Variants in MAST4 observed in about 807,000 individuals in gnomAD.
MAST4 encodes microtubule-associated serine/threonine-protein kinase 4.
A neutral mutation model predicts 162.7 loss-of-function variants in MAST4; 89 were observed. The observed-to-expected ratio is 0.55, with a 90% confidence interval of 0.46 to 0.65. MAST4 has a LOEUF of 0.65. Ranked by LOEUF, MAST4 falls within the 30% of genes least tolerant of loss-of-function variation. The probability of loss-of-function intolerance (pLI) is 0.00; values close to 1 mark genes in which losing one functional copy is unlikely to be tolerated. For synonymous variants in MAST4, 1,479 were observed against 1,361.1 expected (o/e 1.09, Z -1.91); for missense variants, 3,153 against 3,374.0 (o/e 0.93, Z 1.62).
chr5:66,604,784 C>A (rs1742772009), intron 1 of MAST4, among the ~76,000 whole-genome samples: 1 of 152,172 alleles, frequency 6.6e-6, no homozygotes. Context: ...TCTTTTCAGG[C>A]ATTTCTCCAT....
At chr5:66,885,530 G>A (rs934174922) in intron 3 of MAST4, among the ~76,000 whole-genome samples, 1 of 152,160 alleles carries the variant, frequency 6.6e-6, no homozygotes, top group Non-Finnish European at 1.5e-5. Flanking sequence ...AATATGTTTA[G>A]CATGTGGGTG....
Position 67,166,577 on chromosome 5 carries a change from T to C in MAST4, c.7398T>C (p.Pro2466=). ...EKSLSCSSSF[P]ETRAGVREAS... ...CTCTGAGCTGCTCCTCCAGCTTCCCTGAAACCAGGGCCGGAGTTAGAGAGG... is the reference window on the plus strand; with the variant it reads ...CTCTGAGCTGCTCCTCCAGCTTCCCCGAAACCAGGGCCGGAGTTAGAGAGG... Residue 2466 remains proline, a synonymous_variant, in exon 29 of 29, where the codon CCT becomes CCC. Transcript: ENST00000403625. 2 of 1,604,676 alleles carry C rather than the reference T, an allele frequency of 1.2e-6. No homozygotes were observed. Among genetic ancestry groups the C allele is most frequent in the Admixed American group, 1.7e-5 (1 of 58,768 alleles).
chr5:66,848,036 T>C (rs941461152), intron 3 of MAST4, among the ~76,000 whole-genome samples: 4 of 152,160 alleles, frequency 2.6e-5, no homozygotes, highest in Non-Finnish European at 5.9e-5. Flanking sequence ...CCCCAGTGGA[T>C]AAATCCTTTA....
intron 4 of MAST4, among the ~76,000 whole-genome samples, chr5:66,918,267 A>C (rs1258308565): frequency 6.6e-6 from 1 of 152,178 alleles, no homozygotes; most frequent in Non-Finnish European, 1.5e-5. Context: ...CAAATTATGA[A>C]GTATACCCAT....
chr5:66,755,613 G>T (rs1753488489), intron 1 of MAST4, among the ~76,000 whole-genome samples: 4 of 152,174 alleles, frequency 2.6e-5, no homozygotes, highest in Non-Finnish European at 4.4e-5. Flanking sequence ...GCTTGTAAAT[G>T]ATGTGCCTTC....
At chr5:66,704,828 C>T (rs1019600830) in intron 1 of MAST4, among the ~76,000 whole-genome samples, 4 of 152,098 alleles carry the variant, frequency 2.6e-5, no homozygotes. Context: ...TGTTCTTGCT[C>T]CTTCACTTTC....
At chr5:66,600,910 G>A (rs1246057374) in intron 1 of MAST4, among the ~76,000 whole-genome samples, 1 of 152,176 alleles carries the variant, frequency 6.6e-6, no homozygotes, top group African/African-American at 2.4e-5. Context: ...CTCAACAAGA[G>A]ACAACCCATG....
chr5:67,048,743 T>G (rs899306195), intron 4 of MAST4, among the ~76,000 whole-genome samples: 3 of 151,836 alleles, frequency 2.0e-5, no homozygotes, highest in African/African-American at 7.3e-5. Context: ...TCTACTTAAC[T>G]TCAGCTTCTA....
chr5:66,984,317 C>A (rs1381422350), intron 4 of MAST4, among the ~76,000 whole-genome samples: 1 of 152,140 alleles, frequency 6.6e-6, no homozygotes, highest in Non-Finnish European at 1.5e-5. Context: ...CAGAAGCAAG[C>A]TAAAGAAGAG....
intron 4 of MAST4, among the ~76,000 whole-genome samples, chr5:66,975,735 T>G (rs1037649190): frequency 1.3e-5 from 2 of 152,174 alleles, no homozygotes; most frequent in African/African-American, 4.8e-5. Flanking sequence ...GGCTCATGCC[T>G]GTAATCCCAG....
chr5:66,791,546 G>T (rs1364903362), intron 3 of MAST4, among the ~76,000 whole-genome samples: 9 of 152,150 alleles, frequency 5.9e-5, no homozygotes, highest in Admixed American at 5.9e-4. Flanking sequence ...TTACCTGCAG[G>T]TTTTTATGTT....
At chr5:66,916,916 A>C (rs1205501160) in intron 4 of MAST4, 2 of 706,414 alleles carry the variant, frequency 2.8e-6, no homozygotes, top group African/African-American at 3.5e-5. Flanking sequence ...TCCCCACAAC[A>C]AACAGTGCTG....
chr5:66,704,988 T>C (rs186132665), intron 1 of MAST4, among the ~76,000 whole-genome samples: 78 of 152,282 alleles, frequency 5.1e-4, no homozygotes, highest in Non-Finnish European at 9.0e-4. Flanking sequence ...TTTTTGTTCT[T>C]CCTGGCCTGG....
chr5:66,751,023 C>T (rs2432208), intron 1 of MAST4, among the ~76,000 whole-genome samples: 17,116 of 152,086 alleles, frequency 0.11, 1,071 homozygotes, highest in East Asian at 0.27. Flanking sequence ...GAGGCACCCC[C>T]CAGCAGGGGC....
chr5:67,165,711 G>T lies in MAST4; in HGVS notation c.6532G>T (p.Asp2178Tyr). The T allele has an allele frequency of 4.4e-6, 7 of 1,577,094 alleles. No individual in the cohort carries two copies. The highest frequency in any genetic ancestry group is 6.0e-6 in the Non-Finnish European group (7 of 1,162,624). The change falls in exon 29 of 29, where the codon GAC becomes TAC. Residue 2178 changes from aspartate to tyrosine, a missense_variant. Physicochemically the swap from Asp to Tyr is radical, Grantham distance 160. Coordinates refer to ENST00000403625, the MANE Select transcript of MAST4 (RefSeq NM_001164664.2). ...STAEPSSSPQ[D>Y]PPKPVAAHSE... ...TGCAGAGCCCAGCTCGAGCCCCCAG[G>T]ACCCTCCCAAGCCTGTTGCTGCGCA...
intron 23 of MAST4, 30 bp from the exon 24 acceptor site, chr5:67,149,358 TG>T (rs1204527990): frequency 6.3e-7 from 1 of 1,592,050 alleles, no homozygotes; most frequent in Non-Finnish European, 8.6e-7. Context: ...TGGATTTTCC[TG>T]AATGTGTTTA....
intron 2 of MAST4, among the ~76,000 whole-genome samples, chr5:66,787,034 T>G (rs769115832): frequency 1.8e-4 from 28 of 152,202 alleles, no homozygotes; most frequent in Non-Finnish European, 3.5e-4. Flanking sequence ...TTTTATCTGG[T>G]GTGATGATAG....
Position 67,105,038 on chromosome 5 carries a change from C to A in MAST4, c.1356+463C>A, listed in dbSNP as rs77637173. Among the ~76,000 whole-genome samples the A allele has an allele frequency of 5.2e-3, 796 of 152,268 alleles. 50 individuals are homozygous for A. The East Asian group carries it at 0.14, about 27-fold the overall frequency. On this transcript the variant is annotated intron_variant, in intron 10 of 28. Transcript: ENST00000403625. ...AGTAGTGAATGGCAACCTATATTTT[C>A]ATTAGTGTCAGTTCTTCTTCTAACA...
chr5:66,987,474 T>C (rs984911885), intron 4 of MAST4, among the ~76,000 whole-genome samples: 1 of 152,092 alleles, frequency 6.6e-6, no homozygotes, highest in Non-Finnish European at 1.5e-5. Flanking sequence ...TTAGGTGCTC[T>C]GCAGGTTCAG....
Sources: gnomAD v4.1 joint callset for allele counts (sites outside exome capture counted in the v4.1 genomes callset) on GRCh38, gnomAD v4.1.1 for gene constraint, MANE v1.5 for transcripts, NCBI Gene and HGNC (gene_info 2026-07-23, HGNC 2026-07-21) for gene names.